Variants in SLC2A13 observed in about 807,000 individuals in gnomAD.
SLC2A13 encodes the protein solute carrier family 2 member 13.
A neutral mutation model predicts 64.4 loss-of-function variants in SLC2A13; 32 were observed. The observed-to-expected ratio is 0.50, with a 90% CI of 0.37 to 0.67. The LOEUF (loss-of-function observed/expected upper bound fraction) is 0.67, where lower values mean the gene tolerates loss of function less well. Ranked by LOEUF, SLC2A13 falls within the 30% of genes least tolerant of loss-of-function variation. The probability of loss-of-function intolerance (pLI) is 0.00; values close to 1 mark genes in which losing one functional copy is unlikely to be tolerated. For synonymous variants in SLC2A13, 338 were observed against 327.1 expected (o/e 1.03, Z -0.36); for missense variants, 743 against 829.2 (o/e 0.90, Z 1.28).
intron 4 of SLC2A13, among the ~76,000 whole-genome samples, chr12:39,942,067 T>C (rs773899968): frequency 6.6e-6 from 1 of 152,244 alleles, no homozygotes; most frequent in Non-Finnish European, 1.5e-5. Flanking sequence ...CCATTGGTTA[T>C]GTGCCTATTT....
chr12:39,792,903 T>C lies in SLC2A13; in HGVS notation c.1446-28045A>G, dbSNP rs558052671. On this transcript the variant is annotated intron_variant, in intron 7 of 9. Transcript: ENST00000280871. Reference sequence around the variant, plus strand: ...ATTTCTATCAATGTGGGGCTTCTCTTTCTACTTTCTCTATGGTATCTTTTT... The same window carrying C: ...ATTTCTATCAATGTGGGGCTTCTCTCTCTACTTTCTCTATGGTATCTTTTT... Among the ~76,000 whole-genome samples the C allele has an allele frequency of 2.6e-5, 4 of 152,298 alleles. No homozygotes were observed. In the East Asian group the frequency reaches 7.7e-4, roughly 29 times the overall value.
intron 1 of SLC2A13, among the ~76,000 whole-genome samples, chr12:40,063,288 C>T (rs773735223): frequency 6.6e-6 from 1 of 151,954 alleles, no homozygotes; most frequent in African/African-American, 2.4e-5. Flanking sequence ...AAAGGATAGA[C>T]AGAAAAACCA....
intron 7 of SLC2A13, among the ~76,000 whole-genome samples, chr12:39,822,191 T>C (rs1942539342): frequency 6.6e-6 from 1 of 151,736 alleles, no homozygotes; most frequent in Non-Finnish European, 1.5e-5. Context: ...CTTCTTGCGA[T>C]AGTTTACTGA....
At chr12:40,052,501 C>G (rs550508029) in intron 1 of SLC2A13, among the ~76,000 whole-genome samples, 18 of 151,852 alleles carry the variant, frequency 1.2e-4, no homozygotes, top group African/African-American at 4.3e-4. Context: ...GTGAGAGTCT[C>G]GGGGTGAGTC....
chr12:39,782,952 T>A (rs1029635759), intron 7 of SLC2A13, among the ~76,000 whole-genome samples: 3 of 152,152 alleles, frequency 2.0e-5, no homozygotes, highest in Admixed American at 1.3e-4. Context: ...ACATGTGCCA[T>A]GTTGGTGTGC....
intron 3 of SLC2A13, among the ~76,000 whole-genome samples, chr12:39,960,287 C>T (rs775074190): frequency 1.3e-5 from 2 of 152,180 alleles, no homozygotes; most frequent in Non-Finnish European, 2.9e-5. Flanking sequence ...TTTTGGTGAA[C>T]TCTATTAATT....
intron 4 of SLC2A13, among the ~76,000 whole-genome samples, chr12:39,917,441 A>G (rs1026380880): frequency 3.3e-5 from 5 of 152,048 alleles, no homozygotes; most frequent in Admixed American, 1.3e-4. Flanking sequence ...TACCCATATT[A>G]AACATTGTTT....
intron 4 of SLC2A13, chr12:39,950,828 A>G (rs1290820781): frequency 5.9e-6 from 1 of 168,494 alleles, no homozygotes; most frequent in South Asian, 2.0e-4. Flanking sequence ...ACTTCTACTA[A>G]TGTCCTTATC....
intron 1 of SLC2A13, among the ~76,000 whole-genome samples, chr12:40,089,571 ACTT>A (rs943998355): frequency 4.3e-4 from 65 of 152,244 alleles, no homozygotes; most frequent in African/African-American, 1.6e-3. Context: ...TACAAGGAAG[ACTT>A]CTTCATCTCC....
intron 1 of SLC2A13, among the ~76,000 whole-genome samples, chr12:40,059,966 C>T (rs750994007): frequency 5.3e-5 from 8 of 152,050 alleles, no homozygotes; most frequent in Admixed American, 2.0e-4. Context: ...ATTCTGTTTC[C>T]TGATCCTACT....
chr12:39,922,539 G>A (rs1247285695), intron 4 of SLC2A13, among the ~76,000 whole-genome samples: 2 of 152,182 alleles, frequency 1.3e-5, no homozygotes, highest in Non-Finnish European at 2.9e-5. Context: ...ATAAACAGCT[G>A]AAAAATGGGA....
intron 6 of SLC2A13, among the ~76,000 whole-genome samples, chr12:39,832,564 G>T (rs1159459709): frequency 2.0e-5 from 3 of 151,918 alleles, no homozygotes; most frequent in Admixed American, 2.0e-4. Flanking sequence ...TTTCCTGCTT[G>T]CTTATTAAAT....
intron 4 of SLC2A13, among the ~76,000 whole-genome samples, chr12:39,904,173 G>C (rs1945208909): frequency 1.3e-5 from 2 of 152,094 alleles, no homozygotes; most frequent in African/African-American, 2.4e-5. Context: ...TCTTTCTTTA[G>C]CAATAATTTG....
intron 1 of SLC2A13, among the ~76,000 whole-genome samples, chr12:40,058,087 A>AGATAGATAGATAGATAGATT (rs1555158666): frequency 5.0e-5 from 7 of 138,986 alleles, no homozygotes; most frequent in Non-Finnish European, 7.9e-5. Context: ...ATAGATAGAT[A>AGATAGATAGATAGATAGATT]GATTGATTTA....
intron 4 of SLC2A13, among the ~76,000 whole-genome samples, chr12:39,909,575 T>A (rs989394800): frequency 5.3e-5 from 8 of 152,140 alleles, no homozygotes; most frequent in Admixed American, 4.6e-4. Flanking sequence ...CAATGTTGGC[T>A]TTATGAATAA....
At chr12:39,861,991 C>T (rs116886103) in intron 6 of SLC2A13, among the ~76,000 whole-genome samples, 5 of 152,236 alleles carry the variant, frequency 3.3e-5, no homozygotes, top group Non-Finnish European at 7.4e-5. Flanking sequence ...TATTAAGCCC[C>T]GCATGCATTA....
intron 7 of SLC2A13, among the ~76,000 whole-genome samples, chr12:39,776,333 C>T (rs1940776958): frequency 6.6e-6 from 1 of 152,160 alleles, no homozygotes; most frequent in South Asian, 2.1e-4. Flanking sequence ...TGGTCCCCCT[C>T]GCCACCAAGC....
chr12:39,900,399 T>TC (rs1355646382), intron 4 of SLC2A13, among the ~76,000 whole-genome samples: 5 of 152,258 alleles, frequency 3.3e-5, no homozygotes, highest in Admixed American at 6.5e-5. Flanking sequence ...AGTCAAATTG[T>TC]CCCTGTTTGC....
intron 4 of SLC2A13, among the ~76,000 whole-genome samples, chr12:39,947,881 C>T (rs1161042317): frequency 2.0e-5 from 3 of 151,884 alleles, no homozygotes; most frequent in South Asian, 2.1e-4. Context: ...AGGATGGTCT[C>T]GATCTCCTGA....
Sources: allele counts gnomAD v4.1 joint callset (sites outside exome capture counted in the v4.1 genomes callset), GRCh38; gene constraint gnomAD v4.1.1; transcripts MANE v1.5; gene names NCBI Gene and HGNC (gene_info 2026-07-23, HGNC 2026-07-21).